The following SORBS2 variants were observed in gnomAD, a reference collection of about 807,000 sequenced individuals.
SORBS2 encodes sorbin and SH3 domain-containing protein 2.
Under a neutral mutation model 97.7 loss-of-function variants are expected in SORBS2, and 46 were observed. That is an observed-to-expected ratio of 0.47 (90% CI 0.37 to 0.60). The LOEUF (loss-of-function observed/expected upper bound fraction) is 0.60, where lower values mean the gene tolerates loss of function less well. Ranked by LOEUF, SORBS2 falls within the 20% of genes least tolerant of loss-of-function variation. SORBS2 has a pLI of 0.00. For synonymous variants in SORBS2, 476 were observed against 473.4 expected, an observed-to-expected ratio of 1.01 and a Z score of -0.07; for missense variants, 1,316 against 1,282.3, an observed-to-expected ratio of 1.03 and a Z score of -0.40.
chr4:185,624,810 T>A (rs1417928124), intron 6 of SORBS2, among the ~76,000 whole-genome samples: 1 of 152,250 alleles, frequency 6.6e-6, no homozygotes, highest in African/African-American at 2.4e-5. Context: ...TCTGACAATA[T>A]TGTTTGCCAA....
At chr4:185,590,072 A>G (rs1419942573) in intron 13 of SORBS2, among the ~76,000 whole-genome samples, 2 of 152,254 alleles carry the variant, frequency 1.3e-5, no homozygotes, top group Non-Finnish European at 2.9e-5. Context: ...TTGGATTAAA[A>G]TATGTCAACA....
At chr4:185,685,258 T>C (rs2097932934) in intron 2 of SORBS2, among the ~76,000 whole-genome samples, 1 of 152,216 alleles carries the variant, frequency 6.6e-6, no homozygotes, top group Non-Finnish European at 1.5e-5. Context: ...TGGTACAACA[T>C]ACTTTTAAGT....
chr4:185,850,415 G>A (rs2099217183), intron 1 of SORBS2, among the ~76,000 whole-genome samples: 1 of 152,100 alleles, frequency 6.6e-6, no homozygotes, highest in East Asian at 1.9e-4. Flanking sequence ...AGAGGACAGT[G>A]TCTTCATGGT....
intron 1 of SORBS2, among the ~76,000 whole-genome samples, chr4:185,820,953 T>A (rs1201906518): frequency 6.6e-6 from 1 of 152,158 alleles, no homozygotes; most frequent in East Asian, 1.9e-4. Flanking sequence ...ATGAATTCTA[T>A]CTGCCCCTTA....
intron 1 of SORBS2, among the ~76,000 whole-genome samples, chr4:185,779,452 G>A (rs929123645): frequency 5.3e-5 from 8 of 152,150 alleles, no homozygotes; most frequent in Non-Finnish European, 1.2e-4. Context: ...TTCCATATGT[G>A]GCTAAATTTA....
chr4:185,594,145 C>G lies in SORBS2; in HGVS notation c.2797-210G>C, dbSNP rs1255380749. The G allele has an allele frequency of 5.5e-6, 3 of 549,180 alleles. No individual in the cohort carries two copies. The South Asian group carries it at 6.8e-5, about 13-fold the overall frequency. 34.0% of individuals were successfully genotyped at this position (549,180 alleles called of 1,614,324 possible). The stretch of plus-strand genomic sequence containing the variant: ...TAAATTAAAGCAAAATAAGCAAGGT[C>G]AAATGTTTTGAACATGTCTACAATC... On this transcript the variant is annotated intron_variant, in intron 12 of 14. Coordinates refer to ENST00000418609, the Ensembl canonical transcript of SORBS2.
intron 1 of SORBS2, among the ~76,000 whole-genome samples, chr4:185,927,903 ATTTGT>A (rs774857731): frequency 2.6e-5 from 4 of 152,078 alleles, no homozygotes; most frequent in Non-Finnish European, 5.9e-5. Context: ...CGGACTTCTG[ATTTGT>A]TTTATTTGAT....
At chr4:185,637,991 A>G in intron 4 of SORBS2, 88 bp downstream of exon 15, 1 of 840,258 alleles carries the variant, frequency 1.2e-6, no homozygotes, top group Non-Finnish European at 2.0e-6. Flanking sequence ...TGTTCTCTGA[A>G]TGACACCCAC....
chr4:185,883,839 C>T (rs1175591409), intron 1 of SORBS2, among the ~76,000 whole-genome samples: 1 of 152,168 alleles, frequency 6.6e-6, no homozygotes, highest in African/African-American at 2.4e-5. Context: ...CAGAGCAAGA[C>T]CGTATATCTA....
rs138704480 is a variant in SORBS2 at position 185,716,712 on chromosome 4, C to T, written c.-197-37890G>A. Among the ~76,000 whole-genome samples, 342 of 152,212 alleles carry T rather than the reference C, an allele frequency of 2.2e-3. 2 individuals carry two copies. Among genetic ancestry groups the T allele is most frequent in the African/African-American group, 7.7e-3 (318 of 41,532 alleles). On this transcript the variant is annotated intron_variant, in intron 2 of 20. Transcript: ENST00000284776. ...TAAAATCTGTGTTCATTGCACCTTC[C>T]GCTGGTGCTTTAGGCTCCAGGAGCA... is the stretch of plus-strand genomic sequence containing the variant.
chr4:185,690,443 A>G, intron 2 of SORBS2, 119 bp downstream of exon 4: 1 of 545,006 alleles, frequency 1.8e-6, no homozygotes, highest in East Asian at 2.9e-5. Flanking sequence ...TATGCTATGT[A>G]TCTAATCAGA....
intron 1 of SORBS2, among the ~76,000 whole-genome samples, chr4:185,844,435 TAAC>T (rs144471932): frequency 0.11 from 17,286 of 151,924 alleles, 1,137 homozygotes; most frequent in Non-Finnish European, 0.15. Flanking sequence ...AGAATGACAA[TAAC>T]AACAACAACA....
At chr4:185,875,217 C>T (rs2099232846) in intron 1 of SORBS2, among the ~76,000 whole-genome samples, 1 of 152,086 alleles carries the variant, frequency 6.6e-6, no homozygotes, top group South Asian at 2.1e-4. Context: ...TAGTTAATAA[C>T]AATTTGCAAA....
chr4:185,796,971 C>T (rs1448895116), intron 1 of SORBS2, among the ~76,000 whole-genome samples: 1 of 142,844 alleles, frequency 7.0e-6, no homozygotes, highest in Non-Finnish European at 1.5e-5. Context: ...TGTGGCCACG[C>T]TATTATTCCC....
intron 1 of SORBS2, among the ~76,000 whole-genome samples, chr4:185,856,970 C>T (rs2099220868): frequency 2.6e-5 from 4 of 152,122 alleles, no homozygotes; most frequent in African/African-American, 9.7e-5. Context: ...GAAACTGCCC[C>T]ATGATCTAAT....
intron 1 of SORBS2, among the ~76,000 whole-genome samples, chr4:185,823,271 CT>C (rs1239497652): frequency 6.6e-6 from 1 of 152,170 alleles, no homozygotes; most frequent in Non-Finnish European, 1.5e-5. Flanking sequence ...GCAAAATAAG[CT>C]TCTAAATTGA....
chr4:185,953,819 A>G (rs2150034966), intron 1 of SORBS2, among the ~76,000 whole-genome samples: 2 of 152,226 alleles, frequency 1.3e-5, no homozygotes, highest in South Asian at 4.2e-4. Flanking sequence ...ATTTCTTGCA[A>G]CTCTCATAAG....
At chr4:185,611,901 A>G in exon 12 of SORBS2, 1 of 1,613,806 alleles carries the variant, frequency 6.2e-7, no homozygotes. Flanking sequence ...AACAGGGAAG[A>G]TGCCTTGTCT....
At chr4:185,682,344 T>G (rs936651484) in intron 2 of SORBS2, among the ~76,000 whole-genome samples, 4 of 152,230 alleles carry the variant, frequency 2.6e-5, no homozygotes, top group Admixed American at 2.0e-4. Flanking sequence ...TGTTTTCAAT[T>G]GTTTCTCAAT....
Sources: allele counts gnomAD v4.1 joint callset (sites outside exome capture counted in the v4.1 genomes callset), GRCh38; gene constraint gnomAD v4.1.1; transcripts MANE v1.5; gene names NCBI Gene and HGNC (gene_info 2026-07-23, HGNC 2026-07-21).